Variants in CHST12 observed in about 807,000 individuals in gnomAD.
CHST12 encodes the protein carbohydrate (chondroitin 4) sulfotransferase 12.
Under a neutral mutation model 27.9 loss-of-function variants are expected in CHST12, and 23 were observed. That is an observed-to-expected ratio of 0.82 (90% CI 0.59 to 1.17). The LOEUF (loss-of-function observed/expected upper bound fraction) is 1.17. Ranked by LOEUF, CHST12 falls within the 50% of genes most tolerant of loss-of-function variation. The pLI is 0.00. For synonymous variants in CHST12, 322 were observed against 273.0 expected (o/e 1.18, Z -1.77); for missense variants, 682 against 603.0 (o/e 1.13, Z -1.37).
chr7:2,416,918 A>G (rs1333426718), intron 1 of CHST12, among the ~76,000 whole-genome samples: 3 of 152,324 alleles, frequency 2.0e-5, no homozygotes, highest in Non-Finnish European at 4.4e-5. Flanking sequence ...ACCTGCGATA[A>G]ATAAGCACGT....
Position 2,434,222 on chromosome 7 carries a change from A to C in CHST12, c.*338A>C. The C allele has an allele frequency of 9.8e-6, 2 of 203,540 alleles. No individual in the cohort carries two copies. Among genetic ancestry groups the C allele is most frequent in the Non-Finnish European group, 1.1e-5 (1 of 90,886 alleles). 12.6% of individuals were successfully genotyped at this position (203,540 alleles called of 1,614,324 possible). On this transcript the variant is annotated 3_prime_UTR_variant, in exon 2 of 2. Transcript: ENST00000618655. ...GCTGCCTCCAGGGCTAGGGCCACTC[A>C]CCGGAGGAGGGCGGGGCCTGCACTT... is the stretch of plus-strand genomic sequence containing the variant.
chr7:2,422,232 C>T (rs1562514684), intron 1 of CHST12, among the ~76,000 whole-genome samples: 1 of 151,948 alleles, frequency 6.6e-6, no homozygotes, highest in Non-Finnish European at 1.5e-5. Context: ...TTCCCCTTTG[C>T]TACTTTCTTT....
intron 1 of CHST12, among the ~76,000 whole-genome samples, chr7:2,405,142 G>C (rs1184560256): frequency 6.6e-6 from 1 of 152,138 alleles, no homozygotes; most frequent in Admixed American, 6.5e-5. Flanking sequence ...TTGAGGATTG[G>C]GTTGGAAGCT....
chr7:2,431,308 C>A (rs890165453), intron 1 of CHST12, among the ~76,000 whole-genome samples: 3 of 152,182 alleles, frequency 2.0e-5, no homozygotes, highest in Non-Finnish European at 4.4e-5. Flanking sequence ...ATAGCCACTC[C>A]TGCTTTCTTT....
In CHST12 at chr7:2,445,538, C is replaced by T. The variant is rs1782731241; in HGVS notation, c.*11654C>T. 1 of 152,262 alleles carries T rather than the reference C, an allele frequency of 6.6e-6. No homozygotes were observed. The highest frequency in any genetic ancestry group is 1.5e-5 in the Non-Finnish European group (1 of 68,078). 9.4% of individuals were successfully genotyped at this position (152,262 alleles called of 1,614,324 possible). Reference sequence around the variant, plus strand: ...CTATGCCTCCCGGGTTCAAGTGGTTCTCATGCTTCAGCCTCCTGAGTAGCT... The same window carrying T: ...CTATGCCTCCCGGGTTCAAGTGGTTTTCATGCTTCAGCCTCCTGAGTAGCT... On this transcript the variant is annotated 3_prime_UTR_variant, in exon 2 of 2. Transcript: ENST00000618655.
intron 1 of CHST12, among the ~76,000 whole-genome samples, chr7:2,419,592 AGCTACTTAGGAGGCTG>A (rs1781911036): frequency 6.6e-6 from 1 of 151,816 alleles, no homozygotes; most frequent in Non-Finnish European, 1.5e-5. Context: ...CTGTAATCCC[AGCTACTTAGGAGGCTG>A]AGGCAGGAGA....
In CHST12 at chr7:2,415,122, T is replaced by G. The variant is rs151089696; in HGVS notation, c.-78+11449T>G. Among the ~76,000 whole-genome samples the G allele has an allele frequency of 6.7e-3, 1,028 of 152,332 alleles. 11 individuals are homozygous for G. The highest frequency in any genetic ancestry group is 0.012 in the Non-Finnish European group (847 of 68,032). On this transcript the variant is annotated intron_variant, in intron 1 of 1. Coordinates refer to ENST00000618655, the MANE Select transcript of CHST12 (RefSeq NM_018641.5). The stretch of plus-strand genomic sequence containing the variant: ...GGCTCACGCCTCAGTCCCTGCACTT[T>G]GGGAGGCCAAGGCGGGTGGATCACC...
rs1782557267 is a variant in CHST12 at position 2,439,762 on chromosome 7, C to T, written c.*5878C>T. On this transcript the variant is annotated 3_prime_UTR_variant, in exon 2 of 2. Transcript: ENST00000618655. ...GGCGTGGTGGTGGGCGCCTGTAGTC[C>T]CAGCTACTCGGGAGGCTGAGGCAGG... 1.3e-5 allele frequency: 2 copies of T among 151,808 alleles called. No individual in the cohort carries two copies. Among genetic ancestry groups the T allele is most frequent in the Admixed American group, 1.3e-4 (2 of 15,234 alleles). The allele number at this position is 151,808 out of a possible 1,614,324, so 9.4% of individuals were successfully genotyped here.
intron 1 of CHST12, among the ~76,000 whole-genome samples, chr7:2,406,086 C>T (rs1349885666): frequency 2.0e-5 from 3 of 152,064 alleles, no homozygotes; most frequent in Admixed American, 2.0e-4. Flanking sequence ...GATACTGAAA[C>T]ACATGCGGCT....
chr7:2,425,058 T>C (rs1782074533), intron 1 of CHST12, among the ~76,000 whole-genome samples: 1 of 151,732 alleles, frequency 6.6e-6, no homozygotes, highest in Non-Finnish European at 1.5e-5. Flanking sequence ...ATACAAAAAT[T>C]AGCCAGGTGT....
Position 2,436,967 on chromosome 7 carries a change from G to A in CHST12, c.*3083G>A, listed in dbSNP as rs1165630476. ...GCTGGGCCGAGGGGAGGCGTCTCCGGGAAGAGAGGGAGGTGTGAGCGGGGA... is the reference window on the plus strand; with the variant it reads ...GCTGGGCCGAGGGGAGGCGTCTCCGAGAAGAGAGGGAGGTGTGAGCGGGGA... On this transcript the variant is annotated 3_prime_UTR_variant, in exon 2 of 2. Coordinates refer to ENST00000618655, the MANE Select transcript of CHST12 (RefSeq NM_018641.5). The A allele has an allele frequency of 6.6e-6, 1 of 152,278 alleles. No individual in the cohort carries two copies. The allele number at this position is 152,278 out of a possible 1,614,324, so 9.4% of individuals were successfully genotyped here.
In CHST12 at chr7:2,433,545, C is replaced by T; in HGVS notation, c.906C>T (p.Asn302=). ...FRAGLKVSFA[N]FIQYLLDPHT... ...CTGGCCTCAAGGTGTCCTTCGCCAA[C>T]TTCATCCAGTACCTGCTGGACCCGC... Residue 302 remains asparagine (N), a synonymous_variant, in exon 2 of 2, where the codon AAC becomes AAT. Coordinates refer to ENST00000618655, the MANE Select transcript of CHST12 (RefSeq NM_018641.5). The surrounding 1 kb of genome is among the most constrained non-coding windows in gnomAD (Gnocchi z 6.1). 1 of 1,613,394 alleles carries T rather than the reference C, an allele frequency of 6.2e-7. No individual in the cohort carries two copies. The highest frequency in any genetic ancestry group is 8.5e-7 in the Non-Finnish European group (1 of 1,179,976).
chr7:2,421,590 C>T (rs1296995672), intron 1 of CHST12, among the ~76,000 whole-genome samples: 1 of 152,090 alleles, frequency 6.6e-6, no homozygotes, highest in Non-Finnish European at 1.5e-5. Context: ...GTGTACACCA[C>T]CATGCCAGGC....
In CHST12 at chr7:2,434,193, T is replaced by TG. The variant is rs1782408027; in HGVS notation, c.*311dup. The TG allele has an allele frequency of 8.3e-6, 2 of 241,474 alleles. No homozygotes were observed. Among genetic ancestry groups the TG allele is most frequent in the African/African-American group, 4.6e-5 (2 of 43,596 alleles). 15.0% of individuals were successfully genotyped at this position (241,474 alleles called of 1,614,324 possible). ...CGCCGGGAGGGGATGCTGAGGCTGATGGAGCTGCCTCCAGGGCTAGGGCCA... is the reference window on the plus strand; with the variant it reads ...CGCCGGGAGGGGATGCTGAGGCTGATGGGAGCTGCCTCCAGGGCTAGGGCCA... On this transcript the variant is annotated 3_prime_UTR_variant, in exon 2 of 2. Coordinates refer to ENST00000618655, the MANE Select transcript of CHST12 (RefSeq NM_018641.5).
chr7:2,420,049 C>T (rs1163420754), intron 1 of CHST12, among the ~76,000 whole-genome samples: 1 of 144,716 alleles, frequency 6.9e-6, no homozygotes, highest in Non-Finnish European at 1.5e-5. Flanking sequence ...TCTCACCTCA[C>T]TGTAAGCTCT....
intron 1 of CHST12, among the ~76,000 whole-genome samples, chr7:2,431,411 C>T (rs753397292): frequency 3.2e-4 from 49 of 152,338 alleles, no homozygotes; most frequent in Non-Finnish European, 4.7e-4. Flanking sequence ...AACCACCTCA[C>T]GCCATGTCAT....
At chr7:2,427,615 A>G (rs182602634) in intron 1 of CHST12, among the ~76,000 whole-genome samples, 1 of 152,008 alleles carries the variant, frequency 6.6e-6, no homozygotes, top group African/African-American at 2.4e-5. Flanking sequence ...GTACAGCTGT[A>G]GGGTGTTTGT....
At chr7:2,411,571 C>G (rs1222789998) in intron 1 of CHST12, among the ~76,000 whole-genome samples, 1 of 141,390 alleles carries the variant, frequency 7.1e-6, no homozygotes, top group South Asian at 2.3e-4. Context: ...TCACTGCAAC[C>G]TCCACCTCCT....
At chr7:2,412,863 G>A (rs900615723) in intron 1 of CHST12, among the ~76,000 whole-genome samples, 18 of 150,772 alleles carry the variant, frequency 1.2e-4, no homozygotes, top group Admixed American at 1.2e-3. Context: ...TTAGCTATTG[G>A]TATTGTTATT....
Sources: allele counts gnomAD v4.1 joint callset (sites outside exome capture counted in the v4.1 genomes callset), GRCh38; gene constraint gnomAD v4.1.1; non-coding constraint Gnocchi (gnomAD v3.1); transcripts MANE v1.5; gene names NCBI Gene and HGNC (gene_info 2026-07-23, HGNC 2026-07-21).